XIAP: variants seen among roughly 807,000 people sequenced by gnomAD.
The protein encoded by XIAP is X-linked inhibitor of apoptosis.
In XIAP, 3 loss-of-function variants were observed where a neutral mutation model predicts 33.1. The observed-to-expected ratio is 0.09, with a 90% CI of 0.04 to 0.23. The LOEUF is 0.23. Ranked by LOEUF, XIAP falls within the 10% of genes least tolerant of loss-of-function variation. XIAP has a pLI of 1.00. For missense variants in XIAP, 264 were observed against 363.0 expected (o/e 0.73, Z 2.22); for synonymous variants, 98 against 121.3 (o/e 0.81, Z 1.26).
At chrX:123,876,705 T>TTAAATAAATAAATAAA (rs779561599) in intron 1 of XIAP, among the ~76,000 whole-genome samples, 1,937 of 107,215 alleles carry the variant, frequency 0.018, 38 homozygotes, top group African/African-American at 0.053. Context: ...GCCTTGTCTT[T>TTAAATAAATAAATAAA]TAAATAAATA....
intron 1 of XIAP, among the ~76,000 whole-genome samples, chrX:123,862,192 C>G (rs1309702826): frequency 1.8e-5 from 2 of 108,817 alleles, no homozygotes; most frequent in Admixed American, 9.9e-5. Flanking sequence ...ACTCAGCCTC[C>G]CCAGTAGCTA....
At chrX:123,906,605 G>A (rs2053557027) in intron 6 of XIAP, among the ~76,000 whole-genome samples, 1 of 111,101 alleles carries the variant, frequency 9.0e-6, no homozygotes, top group South Asian at 3.8e-4. Flanking sequence ...TTGTTTTTCT[G>A]CCTGGCAAAT....
intron 1 of XIAP, among the ~76,000 whole-genome samples, chrX:123,878,043 A>G (rs2053263732): frequency 9.0e-6 from 1 of 111,674 alleles, no homozygotes; most frequent in Admixed American, 9.5e-5. Context: ...AACAGGTTAA[A>G]TATGTAACCA....
intron 6 of XIAP, among the ~76,000 whole-genome samples, chrX:123,905,571 T>C (rs1413729718): frequency 8.9e-6 from 1 of 111,891 alleles, no homozygotes; most frequent in African/African-American, 3.2e-5. Context: ...TCATACCATT[T>C]ATACTTTCCT....
rs2053570745 is a variant in XIAP, at chrX:123,908,350, C to A, written c.*1169C>A. 2.7e-6 allele frequency: 1 copy of A among 370,263 alleles called. No individual in the cohort carries two copies. The highest frequency in any genetic ancestry group is 2.6e-5 in the South Asian group (1 of 38,162). 30.5% of individuals were successfully genotyped at this position (370,263 alleles called of 1,213,427 possible). ...ATGAAATATAAAATATGTCTCAGAT[C>A]TTCCAATTAATTAGTAAGGATTCAT... On this transcript the variant is annotated 3_prime_UTR_variant, in exon 7 of 7. Coordinates refer to ENST00000371199, the MANE Select transcript of XIAP (RefSeq NM_001167.4).
intron 6 of XIAP, among the ~76,000 whole-genome samples, chrX:123,906,739 G>A (rs1187378352): frequency 8.9e-6 from 1 of 111,980 alleles, no homozygotes; most frequent in African/African-American, 3.2e-5. Flanking sequence ...TTGTCCCAGA[G>A]CACTTTGTAC....
chrX:123,876,841 G>T (rs763397658), intron 1 of XIAP, among the ~76,000 whole-genome samples: 44 of 111,752 alleles, frequency 3.9e-4, no homozygotes, highest in Non-Finnish European at 7.3e-4. Flanking sequence ...CAAAATCGTT[G>T]TATGAAAAAA....
At chrX:123,905,231 G>A (rs1224493854) in intron 6 of XIAP, among the ~76,000 whole-genome samples, 1 of 111,318 alleles carries the variant, frequency 9.0e-6, no homozygotes, top group African/African-American at 3.3e-5. Flanking sequence ...TACGTGGCTC[G>A]CCTAATCTTT....
At position 123,908,208 on chromosome X, in the gene XIAP, G is replaced by A; in HGVS notation, c.*1027G>A. On this transcript the variant is annotated 3_prime_UTR_variant, in exon 7 of 7. Coordinates refer to ENST00000371199, the MANE Select transcript of XIAP (RefSeq NM_001167.4). ...AACCTTTTTGGTGCCAATGTGAAATGTAAATGATTTTATGTTTTTCCTGCT... is the reference window on the plus strand; with the variant it reads ...AACCTTTTTGGTGCCAATGTGAAATATAAATGATTTTATGTTTTTCCTGCT... 2.7e-6 allele frequency: 1 copy of A among 363,910 alleles called. No homozygotes were observed. The highest frequency in any genetic ancestry group is 5.2e-6 in the Non-Finnish European group (1 of 190,483). 30.0% of individuals were successfully genotyped at this position (363,910 alleles called of 1,213,427 possible).
chrX:123,885,982 A>T lies in XIAP; in HGVS notation c.320A>T (p.Asn107Ile), dbSNP rs28382721. 1 of 1,210,425 alleles carries T rather than the reference A, an allele frequency of 8.3e-7. No individual in the cohort carries two copies. Among genetic ancestry groups the T allele is most frequent in the Admixed American group, 2.2e-5 (1 of 45,667 alleles). The change falls in exon 2 of 7, where the codon AAT becomes ATT. Residue 107 changes from asparagine (N) to isoleucine (I), a missense_variant. By Grantham distance (149) the Asn-to-Ile change is moderately radical (BLOSUM62 -3). Transcript: ENST00000371199. ...YLENSATQSTNSGIQNGQYKV... is the reference protein window; with the variant it reads ...YLENSATQSTISGIQNGQYKV... The stretch of plus-strand genomic sequence containing the variant: ...GAAAATAGTGCCACGCAGTCTACAA[A>T]TTCTGGTATCCAGAATGGTCAGTAC...
intron 1 of XIAP, among the ~76,000 whole-genome samples, chrX:123,864,037 TTTTTA>T (rs763514769): frequency 9.9e-5 from 11 of 111,023 alleles, no homozygotes; most frequent in Admixed American, 2.9e-4. Context: ...TTTTCTTTGG[TTTTTA>T]TTTTATTTTG....
In XIAP at chrX:123,912,979, C is replaced by T. The variant is rs1187317879; in HGVS notation, c.*5798C>T. The T allele has an allele frequency of 6.9e-6, 2 of 291,239 alleles. No individual in the cohort carries two copies. The highest frequency in any genetic ancestry group is 3.2e-5 in the South Asian group (1 of 31,637). The allele number at this position is 291,239 out of a possible 1,213,427, so 24.0% of individuals were successfully genotyped here. On this transcript the variant is annotated 3_prime_UTR_variant, in exon 7 of 7. Coordinates refer to ENST00000371199, the MANE Select transcript of XIAP (RefSeq NM_001167.4). ...TATTTTTTAGTAGTGACTGGTTTCG[C>T]GGTGTTGACCAGGCTGGTCTCGAAC...
chrX:123,879,431 C>T (rs1392841218), intron 1 of XIAP: 6 of 106,633 alleles, frequency 5.6e-5, no homozygotes, highest in Admixed American at 4.1e-4. Context: ...ATTCCCCTGC[C>T]TCAGCCTCCC....
chrX:123,886,389 G>C lies in XIAP; in HGVS notation c.727G>C (p.Ala243Pro), dbSNP rs757422820. The change falls in exon 2 of 7, where the codon GCT (alanine) becomes CCT (proline). Residue 243 changes from alanine (A) to proline (P), a missense_variant. Ala to Pro is a conservative substitution (Grantham distance 27). Coordinates refer to ENST00000371199, the MANE Select transcript of XIAP (RefSeq NM_001167.4). Reference sequence around the variant, plus strand: ...TCTTAATATTCGAAGTGAATCTGATGCTGTGAGTTCTGATAGGAATTTCCC... The same window carrying C: ...TCTTAATATTCGAAGTGAATCTGATCCTGTGAGTTCTGATAGGAATTTCCC... The part of the protein sequence containing the change: ...RNLNIRSESD[A>P]VSSDRNFPNS... 4 of 1,211,958 alleles carry C rather than the reference G, an allele frequency of 3.3e-6. No individual in the cohort carries two copies. In the South Asian group the frequency reaches 7.0e-5, roughly 21 times the overall value.
At chrX:123,866,476 A>G (rs1196691322) in intron 1 of XIAP, among the ~76,000 whole-genome samples, 4 of 87,467 alleles carry the variant, frequency 4.6e-5, no homozygotes, top group Admixed American at 1.5e-4. Context: ...TATTATATAC[A>G]ATATATTATA....
At chrX:123,870,024 A>G (rs2148074211) in intron 1 of XIAP, among the ~76,000 whole-genome samples, 1 of 112,483 alleles carries the variant, frequency 8.9e-6, no homozygotes, top group East Asian at 2.8e-4. Context: ...CAGTGGCGCA[A>G]TCTCAGCTCA....
intron 1 of XIAP, among the ~76,000 whole-genome samples, chrX:123,881,756 ATTTTT>A (rs35412191): frequency 2.2e-5 from 2 of 90,495 alleles, no homozygotes; most frequent in African/African-American, 8.2e-5. Flanking sequence ...TTATACTTCT[ATTTTT>A]TTTTTTTTTT....
intron 2 of XIAP, among the ~76,000 whole-genome samples, 155 bp from the exon 3 acceptor site, chrX:123,888,464 A>G (rs1569478153): frequency 8.9e-6 from 1 of 112,770 alleles, no homozygotes. Flanking sequence ...AAGGATAAAA[A>G]TCATATCTGT....
At chrX:123,905,566 C>T (rs189509644) in intron 6 of XIAP, among the ~76,000 whole-genome samples, 3 of 111,634 alleles carry the variant, frequency 2.7e-5, no homozygotes, top group Non-Finnish European at 5.6e-5. Flanking sequence ...TGTCATCATA[C>T]CATTTATACT....
Sources: allele counts gnomAD v4.1 joint callset (sites outside exome capture counted in the v4.1 genomes callset), GRCh38; gene constraint gnomAD v4.1.1; transcripts MANE v1.5; gene names NCBI Gene and HGNC (gene_info 2026-07-23, HGNC 2026-07-21).